Variants in POLR2F observed in about 807,000 individuals in gnomAD.
POLR2F encodes the protein RNA polymerase II, I and III subunit F, also known as DNA-directed RNA polymerases I, II, and III subunit RPABC2.
POLR2F carries 12 observed loss-of-function variants against 22.7 expected under a neutral mutation model. That is an observed-to-expected ratio of 0.53 (90% CI 0.34 to 0.86). POLR2F has a LOEUF of 0.86. Among genes scored for constraint, POLR2F ranks in the 40% least tolerant of loss-of-function variants. The pLI, the probability that POLR2F is intolerant of heterozygous loss-of-function variation, is 0.02. For synonymous variants in POLR2F, 57 were observed against 66.0 expected (o/e 0.86, Z 0.66); for missense variants, 126 against 171.5 (o/e 0.73, Z 1.48).
In POLR2F at chr22:37,978,457, G is replaced by A. The variant is rs1033722916; in HGVS notation, c.293+11287G>A. Among the ~76,000 whole-genome samples the A allele has an allele frequency of 6.6e-6, 1 of 152,256 alleles. No individual in the cohort carries two copies. The highest frequency in any genetic ancestry group is 2.4e-5 in the African/African-American group (1 of 41,466). ...TAGAGGTTTCAAGGGGCAGATGCCA[G>A]TTCAAGGAAAGGAAAAACTTTCTCA... On this transcript the variant is annotated intron_variant, in intron 4 of 4. Coordinates refer to the POLR2F transcript ENST00000405557. This position sits in a 1 kb window ranked among gnomAD's most constrained non-coding sequence, Gnocchi z 5.0.
chr22:37,960,813 G>T (rs977116349), intron 3 of POLR2F, among the ~76,000 whole-genome samples: 1 of 148,472 alleles, frequency 6.7e-6, no homozygotes, highest in Non-Finnish European at 1.5e-5. Flanking sequence ...GATTACAGGC[G>T]TGAGCCACCG....
chr22:38,015,843 G>A (rs981417402), intron 1 of POLR2F, among the ~76,000 whole-genome samples: 2 of 152,080 alleles, frequency 1.3e-5, no homozygotes, highest in African/African-American at 4.8e-5. Flanking sequence ...TGTGAGATAG[G>A]TATTATTATT....
At chr22:38,003,923 C>G (rs934601542) in intron 1 of POLR2F, among the ~76,000 whole-genome samples, 1 of 152,100 alleles carries the variant, frequency 6.6e-6, no homozygotes, top group African/African-American at 2.4e-5. Context: ...ATTGTGGCAG[C>G]TGCGTGGTTG....
Position 37,968,544 on chromosome 22 carries a change from GT to G in POLR2F, c.*831del. Reference sequence around the variant, plus strand: ...GGTGTTACATTAAGTCAGAGCTGGAGTTCCCCCTTCCTCTGCCTGAGGTTCT... The same window carrying G: ...GGTGTTACATTAAGTCAGAGCTGGAGTCCCCCTTCCTCTGCCTGAGGTTCT... On this transcript the variant is annotated 3_prime_UTR_variant, in exon 5 of 5. Transcript: ENST00000442738. 1.0e-6 allele frequency: 1 copy of G among 985,734 alleles called. No individual in the cohort carries two copies. The highest frequency in any genetic ancestry group is 1.2e-6 in the Non-Finnish European group (1 of 830,156). The allele number at this position is 985,734 out of a possible 1,614,324, so 61.1% of individuals were successfully genotyped here.
chr22:37,992,135 T>A (rs933551222), intron 1 of POLR2F, among the ~76,000 whole-genome samples: 10 of 152,202 alleles, frequency 6.6e-5, no homozygotes, highest in African/African-American at 2.4e-4. Context: ...CATGCCTGGC[T>A]CTAGCTCCAG....
intron 1 of POLR2F, among the ~76,000 whole-genome samples, chr22:38,003,297 G>A (rs2084791146): frequency 6.6e-6 from 1 of 151,688 alleles, no homozygotes; most frequent in African/African-American, 2.4e-5. Flanking sequence ...CGTGATCTCG[G>A]CTCACCACAA....
upstream of POLR2F, among the ~76,000 whole-genome samples, chr22:37,981,923 C>T (rs934697139): frequency 2.0e-5 from 3 of 152,188 alleles, no homozygotes; most frequent in African/African-American, 7.2e-5. Context: ...CTTCAGCAAA[C>T]ACATGGCAAG....
intron 1 of POLR2F, among the ~76,000 whole-genome samples, chr22:37,990,871 G>T (rs1331208745): frequency 1.3e-5 from 2 of 152,264 alleles, no homozygotes; most frequent in African/African-American, 2.4e-5. Flanking sequence ...GCCCGTGCCT[G>T]ATCCAGTGTT....
chr22:37,956,254 G>A (rs1486229592), intron 1 of POLR2F, among the ~76,000 whole-genome samples: 2 of 151,426 alleles, frequency 1.3e-5, no homozygotes, highest in Non-Finnish European at 2.9e-5. Context: ...CACCACTCCC[G>A]GCTAATTTTG....
intron 1 of POLR2F, among the ~76,000 whole-genome samples, chr22:38,004,415 G>T (rs1034276462): frequency 2.0e-5 from 3 of 152,170 alleles, no homozygotes; most frequent in Admixed American, 6.5e-5. Flanking sequence ...GAAATAGGTG[G>T]TAATAACACC....
At chr22:38,034,902 C>T (rs1034524553) in intron 5 of POLR2F, among the ~76,000 whole-genome samples, 6 of 152,046 alleles carry the variant, frequency 3.9e-5, no homozygotes, top group East Asian at 1.9e-4. Context: ...TGGCCTAGGA[C>T]GAGCTGGGGC....
intron 5 of POLR2F, among the ~76,000 whole-genome samples, chr22:38,034,908 G>A (rs2085100335): frequency 6.6e-6 from 1 of 152,002 alleles, no homozygotes; most frequent in South Asian, 2.1e-4. Flanking sequence ...AGGACGAGCT[G>A]GGGCTTTCCA....
intron 1 of POLR2F, among the ~76,000 whole-genome samples, chr22:37,992,575 A>G (rs1232743265): frequency 6.6e-6 from 1 of 152,028 alleles, no homozygotes; most frequent in Admixed American, 6.6e-5. Flanking sequence ...TTATACTTTC[A>G]GTAGAGACGG....
Position 37,957,013 on chromosome 22 carries a change from A to G in POLR2F, c.90+171A>G, listed in dbSNP as rs1443288027. The G allele has an allele frequency of 1.1e-5, 7 of 644,110 alleles. No individual in the cohort carries two copies. In the Admixed American group the frequency reaches 1.6e-4, roughly 15 times the overall value. 39.9% of individuals were successfully genotyped at this position (644,110 alleles called of 1,614,324 possible). On this transcript the variant is annotated intron_variant, in intron 2 of 4. Transcript: ENST00000442738. ...GTCTTGCATAGCAGAACAGCCCTGC[A>G]GGGTGGGCCTGAAAGCTTTTGTCCA... is the stretch of plus-strand genomic sequence containing the variant.
chr22:38,025,443 G>T (rs2084998810), intron 1 of POLR2F: 6 of 1,263,608 alleles, frequency 4.7e-6, no homozygotes. Context: ...TGCACACACT[G>T]ATTCATATAC....
At chr22:38,034,843 G>A (rs2085099592) in intron 5 of POLR2F, among the ~76,000 whole-genome samples, 1 of 152,128 alleles carries the variant, frequency 6.6e-6, no homozygotes, top group South Asian at 2.1e-4. Flanking sequence ...AACCAGTTGG[G>A]AGCTTTCGGC....
chr22:38,015,376 AC>A (rs2084907377), intron 1 of POLR2F, among the ~76,000 whole-genome samples: 1 of 152,050 alleles, frequency 6.6e-6, no homozygotes, highest in South Asian at 2.1e-4. Context: ...TGAACAGGAG[AC>A]TTTCCCATGT....
chr22:37,955,532 T>G (rs1209189047), intron 1 of POLR2F, among the ~76,000 whole-genome samples: 3 of 101,962 alleles, frequency 2.9e-5, no homozygotes, highest in African/African-American at 1.3e-4. Context: ...GAGCGAGACT[T>G]TGTCTCAAAA....
At chr22:38,033,493 G>A (rs2085085408) in intron 5 of POLR2F, among the ~76,000 whole-genome samples, 1 of 152,150 alleles carries the variant, frequency 6.6e-6, no homozygotes, top group Admixed American at 6.5e-5. Flanking sequence ...CAGATGGGGC[G>A]ACAGACAGGC....
Sources: gnomAD v4.1 joint callset for allele counts (sites outside exome capture counted in the v4.1 genomes callset) on GRCh38, gnomAD v4.1.1 for gene constraint, Gnocchi (gnomAD v3.1) non-coding constraint, MANE v1.5 for transcripts, NCBI Gene and HGNC (gene_info 2026-07-23, HGNC 2026-07-21) for gene names.